Variants in SGCZ observed in about 807,000 individuals in gnomAD.
SGCZ encodes zeta-sarcoglycan.
SGCZ carries 40 observed loss-of-function variants against 41.3 expected under a neutral mutation model. The ratio of observed to expected loss-of-function variants is 0.97; its 90% CI spans 0.75 to 1.26. The LOEUF (loss-of-function observed/expected upper bound fraction) is 1.26. Among genes scored for constraint, SGCZ ranks in the 50% most tolerant of loss-of-function variants. The pLI, the probability that SGCZ is intolerant of heterozygous loss-of-function variation, is 0.00. For missense variants in SGCZ, 552 were observed against 369.8 expected (o/e 1.49, Z -4.04); for synonymous variants, 206 against 137.5 (o/e 1.50, Z -3.49).
intron 1 of SGCZ, among the ~76,000 whole-genome samples, chr8:15,201,232 G>T (rs1053117647): frequency 1.3e-5 from 2 of 152,134 alleles, no homozygotes; most frequent in African/African-American, 4.8e-5. Flanking sequence ...GGCCGGGCTG[G>T]TCTCGAACTC....
intron 1 of SGCZ, among the ~76,000 whole-genome samples, chr8:14,685,242 T>C (rs1268887940): frequency 6.6e-6 from 1 of 152,132 alleles, no homozygotes; most frequent in African/African-American, 2.4e-5. Flanking sequence ...AGTAAAGGTA[T>C]ATGAATAAAA....
intron 1 of SGCZ, among the ~76,000 whole-genome samples, chr8:15,084,607 C>G (rs947569003): frequency 5.3e-5 from 8 of 152,040 alleles, no homozygotes; most frequent in African/African-American, 1.9e-4. Context: ...CAAAAATTAG[C>G]TGGGCGTGGT....
chr8:14,820,097 G>A lies in SGCZ; in HGVS notation c.40-265171C>T, dbSNP rs369332195. Among the ~76,000 whole-genome samples, 106 of 150,934 alleles carry A rather than the reference G, an allele frequency of 7.0e-4. 1 individual carries two copies. In the Middle Eastern group the frequency reaches 0.01, roughly 15 times the overall value. On this transcript the variant is annotated intron_variant, in intron 1 of 7. Transcript: ENST00000382080. ...AGAGTGGCTAAATGGAGAAAAAATG[G>A]AGAAAAAATTAGACCTAACTATACA...
chr8:14,719,731 T>C (rs1231709075), intron 1 of SGCZ, among the ~76,000 whole-genome samples: 8 of 152,000 alleles, frequency 5.3e-5, no homozygotes, highest in Admixed American at 1.3e-4. Flanking sequence ...TTTGTTTGAG[T>C]TCATTGTAGA....
chr8:14,864,545 G>A (rs899754562), intron 1 of SGCZ, among the ~76,000 whole-genome samples: 2 of 152,026 alleles, frequency 1.3e-5, no homozygotes, highest in African/African-American at 4.8e-5. Context: ...GTGTCCCGGT[G>A]ACTTGTATTC....
At position 14,386,097 on chromosome 8, in the gene SGCZ, C is replaced by T. The variant is rs566422546; in HGVS notation, c.235-61893G>A. Among the ~76,000 whole-genome samples the T allele has an allele frequency of 1.3e-4, 19 of 151,814 alleles. No individual in the cohort carries two copies. The South Asian group carries it at 3.1e-3, about 25-fold the overall frequency. ...ATTTTTTCCAAATATATTCAGTCTT[C>T]GGTTGGTTGAATATATAAATGCAGA... On this transcript the variant is annotated intron_variant, in intron 2 of 7. Transcript: ENST00000382080.
chr8:14,514,403 T>C (rs1328673119), intron 2 of SGCZ, among the ~76,000 whole-genome samples: 5 of 151,930 alleles, frequency 3.3e-5, no homozygotes, highest in Non-Finnish European at 7.4e-5. Flanking sequence ...ATCTGTAGGA[T>C]AGGAAAAACG....
chr8:14,526,550 T>C (rs1480571419), intron 2 of SGCZ, among the ~76,000 whole-genome samples: 1 of 152,158 alleles, frequency 6.6e-6, no homozygotes, highest in African/African-American at 2.4e-5. Flanking sequence ...TCTTTGATTA[T>C]ATTTATTTCT....
intron 4 of SGCZ, among the ~76,000 whole-genome samples, chr8:14,234,780 A>T (rs1806696090): frequency 6.6e-6 from 1 of 152,160 alleles, no homozygotes; most frequent in Non-Finnish European, 1.5e-5. Context: ...TGCTTGATTC[A>T]TTCAAGTATG....
At chr8:14,246,678 C>T (rs1482333371) in intron 3 of SGCZ, among the ~76,000 whole-genome samples, 6 of 151,456 alleles carry the variant, frequency 4.0e-5, no homozygotes, top group South Asian at 4.2e-4. Flanking sequence ...GACGCCGAGG[C>T]GGGCAGATCA....
chr8:15,128,116 T>G (rs1807770209), intron 1 of SGCZ, among the ~76,000 whole-genome samples: 1 of 152,238 alleles, frequency 6.6e-6, no homozygotes, highest in Non-Finnish European at 1.5e-5. Flanking sequence ...CTGTCCTCTT[T>G]TTTTTCACAT....
chr8:14,191,493 G>A (rs1393327582), intron 4 of SGCZ, among the ~76,000 whole-genome samples: 1 of 152,090 alleles, frequency 6.6e-6, no homozygotes, highest in Admixed American at 6.5e-5. Flanking sequence ...TAATCCATTT[G>A]GAGTTGATTT....
intron 1 of SGCZ, among the ~76,000 whole-genome samples, chr8:15,049,449 C>T (rs531004396): frequency 3.0e-4 from 46 of 152,214 alleles, no homozygotes; most frequent in Middle Eastern, 3.4e-3. Context: ...ATTTTGAATT[C>T]ATTCTCAGAG....
chr8:14,171,980 C>T (rs541711983), intron 4 of SGCZ, among the ~76,000 whole-genome samples: 6 of 152,050 alleles, frequency 3.9e-5, no homozygotes, highest in Admixed American at 1.3e-4. Flanking sequence ...TAGGCAACTG[C>T]GTTACTATTT....
intron 2 of SGCZ, among the ~76,000 whole-genome samples, chr8:14,467,758 G>T (rs1263632906): frequency 3.3e-5 from 5 of 151,944 alleles, no homozygotes; most frequent in African/African-American, 1.2e-4. Context: ...GCTTGCTTAT[G>T]ACATATAACA....
intron 1 of SGCZ, among the ~76,000 whole-genome samples, chr8:14,877,770 A>C (rs1804417062): frequency 6.6e-6 from 1 of 152,182 alleles, no homozygotes. Flanking sequence ...ATTTTCCTAC[A>C]AAAACGAATA....
intron 2 of SGCZ, among the ~76,000 whole-genome samples, chr8:14,371,127 G>C (rs1340036646): frequency 6.6e-6 from 1 of 151,830 alleles, no homozygotes; most frequent in Non-Finnish European, 1.5e-5. Flanking sequence ...ATTCCTCCCA[G>C]ATGGTAAACA....
At chr8:14,184,327 G>A (rs190294131) in intron 4 of SGCZ, among the ~76,000 whole-genome samples, 2 of 152,150 alleles carry the variant, frequency 1.3e-5, no homozygotes, top group Admixed American at 1.3e-4. Context: ...TTATGGCCTG[G>A]ACATAAATTA....
chr8:15,120,084 G>A (rs1807422648), intron 1 of SGCZ, among the ~76,000 whole-genome samples: 1 of 152,184 alleles, frequency 6.6e-6, no homozygotes, highest in African/African-American at 2.4e-5. Flanking sequence ...TGCCTCAAGT[G>A]ACCCTCCCAC....
Sources: gnomAD v4.1 joint callset for allele counts (sites outside exome capture counted in the v4.1 genomes callset) on GRCh38, gnomAD v4.1.1 for gene constraint, MANE v1.5 for transcripts, NCBI Gene and HGNC (gene_info 2026-07-23, HGNC 2026-07-21) for gene names.